ARHGAP15: variants seen among roughly 807,000 people sequenced by gnomAD.
The protein encoded by ARHGAP15 is Rho GTPase activating protein 15, also known as rho GTPase-activating protein 15.
Under a neutral mutation model 63.7 loss-of-function variants are expected in ARHGAP15, and 51 were observed. That is an observed-to-expected ratio of 0.80 (90% CI 0.64 to 1.01). The LOEUF is 1.01. Ranked by LOEUF, ARHGAP15 falls within the 50% of genes least tolerant of loss-of-function variation. The probability of loss-of-function intolerance (pLI) is 0.00; values close to 1 mark genes in which losing one functional copy is unlikely to be tolerated. For synonymous variants in ARHGAP15, 191 were observed against 193.8 expected (o/e 0.99, Z 0.12); for missense variants, 560 against 564.6 (o/e 0.99, Z 0.08).
intron 6 of ARHGAP15, among the ~76,000 whole-genome samples, chr2:143,346,591 G>A (rs1685311255): frequency 6.6e-6 from 1 of 152,052 alleles, no homozygotes; most frequent in African/African-American, 2.4e-5. Flanking sequence ...CAAGTCAGTC[G>A]GCACCGACCA....
chr2:143,257,938 C>A (rs1227526274), intron 6 of ARHGAP15, among the ~76,000 whole-genome samples: 2 of 152,042 alleles, frequency 1.3e-5, no homozygotes, highest in African/African-American at 4.8e-5. Context: ...CCAAGGGATC[C>A]TTTTTCATAT....
chr2:143,390,998 A>C (rs1427519937), intron 6 of ARHGAP15, among the ~76,000 whole-genome samples: 2 of 152,178 alleles, frequency 1.3e-5, no homozygotes, highest in African/African-American at 2.4e-5. Flanking sequence ...TAACACCAGC[A>C]CAGAGTTACC....
intron 6 of ARHGAP15, among the ~76,000 whole-genome samples, chr2:143,257,244 T>C (rs962184175): frequency 2.0e-5 from 3 of 152,116 alleles, no homozygotes; most frequent in Non-Finnish European, 4.4e-5. Flanking sequence ...AGATTCATTC[T>C]TTTTGAACTA....
intron 4 of ARHGAP15, among the ~76,000 whole-genome samples, chr2:143,224,603 G>A (rs1209298136): frequency 1.3e-5 from 2 of 152,068 alleles, no homozygotes. Flanking sequence ...CCTGGCTAAG[G>A]CTTTTAAGCT....
chr2:143,251,417 T>G (rs1036171677), intron 6 of ARHGAP15, among the ~76,000 whole-genome samples: 1 of 152,034 alleles, frequency 6.6e-6, no homozygotes. Flanking sequence ...TGAATAAAAG[T>G]CAATTCTTCT....
chr2:143,214,176 G>T (rs1456011328), intron 3 of ARHGAP15, among the ~76,000 whole-genome samples: 1 of 152,162 alleles, frequency 6.6e-6, no homozygotes, highest in Non-Finnish European at 1.5e-5. Context: ...ATTTTTAGCA[G>T]AGAACGCATG....
chr2:143,737,139 C>T (rs894870689), intron 13 of ARHGAP15, among the ~76,000 whole-genome samples: 3 of 152,160 alleles, frequency 2.0e-5, no homozygotes, highest in African/African-American at 7.2e-5. Flanking sequence ...CATTAACTAG[C>T]CGGGAACATT....
chr2:143,442,851 A>G (rs763664230), intron 8 of ARHGAP15, among the ~76,000 whole-genome samples: 30 of 152,180 alleles, frequency 2.0e-4, no homozygotes, highest in Non-Finnish European at 1.8e-4. Flanking sequence ...CTAATTCAAT[A>G]AAAGAATATA....
At chr2:143,660,023 G>A (rs1227860918) in intron 12 of ARHGAP15, among the ~76,000 whole-genome samples, 1 of 152,154 alleles carries the variant, frequency 6.6e-6, no homozygotes, top group African/African-American at 2.4e-5. Flanking sequence ...TCTGTGGGTA[G>A]ACACGTGGTC....
chr2:143,599,625 G>C (rs1295205596), intron 11 of ARHGAP15, among the ~76,000 whole-genome samples: 2 of 151,822 alleles, frequency 1.3e-5, no homozygotes, highest in African/African-American at 4.8e-5. Flanking sequence ...AAGAAACGAA[G>C]CCATAACTAC....
chr2:143,350,202 AGTTT>A (rs1364922377), intron 6 of ARHGAP15, among the ~76,000 whole-genome samples: 1 of 152,110 alleles, frequency 6.6e-6, no homozygotes, highest in African/African-American at 2.4e-5. Context: ...GTTTATAATT[AGTTT>A]AATTTTCAGC....
At chr2:143,431,528 TAAC>T (rs1689389116) in intron 6 of ARHGAP15, among the ~76,000 whole-genome samples, 1 of 152,052 alleles carries the variant, frequency 6.6e-6, no homozygotes, top group African/African-American at 2.4e-5. Flanking sequence ...GTTTAAAGAA[TAAC>T]GTATCATGAC....
intron 6 of ARHGAP15, among the ~76,000 whole-genome samples, chr2:143,429,850 A>G (rs7574624): frequency 0.74 from 111,984 of 151,842 alleles, 41,408 homozygotes; most frequent in East Asian, 0.81. Context: ...AGTATAAAAC[A>G]TTTTTCTGAC....
intron 12 of ARHGAP15, among the ~76,000 whole-genome samples, chr2:143,661,908 C>G (rs1225035587): frequency 6.6e-6 from 1 of 152,212 alleles, no homozygotes; most frequent in Non-Finnish European, 1.5e-5. Flanking sequence ...GCACCTGGCT[C>G]GGAGGGTCCT....
chr2:143,645,077 G>A (rs1680804724), intron 12 of ARHGAP15, among the ~76,000 whole-genome samples: 1 of 152,060 alleles, frequency 6.6e-6, no homozygotes, highest in Admixed American at 6.6e-5. Context: ...ATAGGTTTGA[G>A]ATTGTTTTAC....
chr2:143,227,823 G>C (rs1353806737), intron 4 of ARHGAP15, among the ~76,000 whole-genome samples: 5 of 152,076 alleles, frequency 3.3e-5, no homozygotes, highest in African/African-American at 1.2e-4. Flanking sequence ...CAATTTGTGA[G>C]ACTATTTCTC....
chr2:143,397,666 T>G (rs1348438247), intron 6 of ARHGAP15, among the ~76,000 whole-genome samples: 1 of 152,108 alleles, frequency 6.6e-6, no homozygotes, highest in African/African-American at 2.4e-5. Flanking sequence ...AACCTAACAC[T>G]TTAATGTGAC....
At chr2:143,165,951 A>AGAG in intron 2 of ARHGAP15, among the ~76,000 whole-genome samples, 1 of 128,572 alleles carries the variant, frequency 7.8e-6, no homozygotes, top group African/African-American at 3.0e-5. Context: ...AAGAAGAAAG[A>AGAG]AAGAAAGAGA....
At chr2:143,743,893 A>G (rs896786283) in intron 13 of ARHGAP15, among the ~76,000 whole-genome samples, 6 of 152,166 alleles carry the variant, frequency 3.9e-5, no homozygotes, top group Non-Finnish European at 5.9e-5. Flanking sequence ...GAAAAAAAAA[A>G]CATTATTAAG....
Sources: allele counts gnomAD v4.1 joint callset (sites outside exome capture counted in the v4.1 genomes callset), GRCh38; gene constraint gnomAD v4.1.1; transcripts MANE v1.5; gene names NCBI Gene and HGNC (gene_info 2026-07-23, HGNC 2026-07-21).